SYT1: variants seen among roughly 807,000 people sequenced by gnomAD.
The protein encoded by SYT1 is synaptotagmin-1.
Under a neutral mutation model 44.8 loss-of-function variants are expected in SYT1, and 8 were observed. That is an observed-to-expected ratio of 0.18 (90% CI 0.10 to 0.32). SYT1 has a LOEUF of 0.32. Ranked by LOEUF, SYT1 falls within the 10% of genes least tolerant of loss-of-function variation. The probability of loss-of-function intolerance (pLI) is 1.00; values close to 1 mark genes in which losing one functional copy is unlikely to be tolerated. For synonymous variants in SYT1, 154 were observed against 188.8 expected, an observed-to-expected ratio of 0.82 and a Z score of 1.51; for missense variants, 286 against 509.3, an observed-to-expected ratio of 0.56 and a Z score of 4.22.
intron 3 of SYT1, among the ~76,000 whole-genome samples, chr12:79,062,685 C>T (rs1875478485): frequency 6.6e-6 from 1 of 152,248 alleles, no homozygotes; most frequent in African/African-American, 2.4e-5. Context: ...TTTTTGAACA[C>T]ACGGAATGTG....
intron 3 of SYT1, among the ~76,000 whole-genome samples, chr12:79,195,535 G>C (rs1042828334): frequency 6.8e-6 from 1 of 147,488 alleles, no homozygotes; most frequent in African/African-American, 2.5e-5. Flanking sequence ...AGAGAATACA[G>C]TATGAATGAG....
chr12:78,885,624 A>G (rs1202813235), intron 1 of SYT1, among the ~76,000 whole-genome samples: 1 of 152,042 alleles, frequency 6.6e-6, no homozygotes, highest in Non-Finnish European at 1.5e-5. Flanking sequence ...TGGTGATTTC[A>G]AAGAAAGCAA....
chr12:79,215,332 A>G (rs555458929), intron 3 of SYT1, among the ~76,000 whole-genome samples: 1 of 152,284 alleles, frequency 6.6e-6, no homozygotes, highest in South Asian at 2.1e-4. Flanking sequence ...CAATGGAGCA[A>G]TGGAACAAAT....
chr12:78,965,569 C>G (rs1370486570), intron 1 of SYT1, among the ~76,000 whole-genome samples: 1 of 152,282 alleles, frequency 6.6e-6, no homozygotes, highest in East Asian at 1.9e-4. Flanking sequence ...TCAAATATCA[C>G]TTTAACTAGT....
chr12:78,976,866 G>A (rs920178606), intron 1 of SYT1, among the ~76,000 whole-genome samples: 1 of 152,060 alleles, frequency 6.6e-6, no homozygotes, highest in African/African-American at 2.4e-5. Context: ...AGCTGATAAC[G>A]TGAATTCTGT....
rs1882615525 is a variant in SYT1 at position 79,346,549 on chromosome 12, C to CA, written c.811-6949dup. 3.9e-5 allele frequency among the ~76,000 whole-genome samples: 6 copies of CA among 152,180 alleles called. No homozygotes were observed. The South Asian group carries it at 1.2e-3, about 31-fold the overall frequency. ...CCCCTTCATGAGATAATCACACCAG[C>CA]AAAAGCACTCATGTGTTGGCTGCAA... On this transcript the variant is annotated intron_variant, in intron 8 of 10. Transcript: ENST00000261205.
chr12:79,429,005 C>T (rs1413394454), intron 9 of SYT1, among the ~76,000 whole-genome samples: 1 of 152,016 alleles, frequency 6.6e-6, no homozygotes, highest in Non-Finnish European at 1.5e-5. Context: ...TTTTAAAACT[C>T]AAATTTCTTG....
chr12:78,911,892 T>C (rs992690502), intron 1 of SYT1, among the ~76,000 whole-genome samples: 1 of 152,028 alleles, frequency 6.6e-6, no homozygotes, highest in Non-Finnish European at 1.5e-5. Context: ...ACCTACTTTG[T>C]TAAATTACTA....
chr12:79,442,643 G>A (rs1870492896), intron 9 of SYT1, among the ~76,000 whole-genome samples: 1 of 152,142 alleles, frequency 6.6e-6, no homozygotes, highest in Admixed American at 6.5e-5. Flanking sequence ...GCCAGGCACT[G>A]TTTTAGCAAA....
intron 1 of SYT1, among the ~76,000 whole-genome samples, chr12:78,865,952 T>C (rs1416216378): frequency 6.6e-6 from 1 of 152,144 alleles, no homozygotes; most frequent in East Asian, 1.9e-4. Context: ...AGATTATTAC[T>C]TTCCTGAGGT....
At chr12:79,004,079 A>G (rs1319259702) in intron 2 of SYT1, among the ~76,000 whole-genome samples, 1 of 151,924 alleles carries the variant, frequency 6.6e-6, no homozygotes, top group Non-Finnish European at 1.5e-5. Flanking sequence ...TACTCTATCC[A>G]AGAAAAGGTA....
chr12:79,014,502 C>T (rs1471663935), intron 2 of SYT1, among the ~76,000 whole-genome samples: 1 of 151,964 alleles, frequency 6.6e-6, no homozygotes, highest in Non-Finnish European at 1.5e-5. Flanking sequence ...CAAATCAAAA[C>T]CACAATGAGA....
intron 2 of SYT1, among the ~76,000 whole-genome samples, chr12:79,036,309 G>A (rs1373296488): frequency 6.6e-6 from 1 of 151,818 alleles, no homozygotes; most frequent in Non-Finnish European, 1.5e-5. Context: ...ACCTAAGGAA[G>A]CCATTGTTGG....
chr12:78,885,752 T>A (rs1874715853), intron 1 of SYT1, among the ~76,000 whole-genome samples: 1 of 151,950 alleles, frequency 6.6e-6, no homozygotes, highest in African/African-American at 2.4e-5. Flanking sequence ...TTATTTGGAA[T>A]GAGAGGTGAA....
chr12:79,173,170 T>C (rs1871650012), intron 3 of SYT1, among the ~76,000 whole-genome samples: 1 of 151,878 alleles, frequency 6.6e-6, no homozygotes, highest in African/African-American at 2.4e-5. Context: ...ATCAGGATAG[T>C]AGCTTTTTGC....
At chr12:79,212,292 A>G (rs900999481) in intron 3 of SYT1, among the ~76,000 whole-genome samples, 1 of 152,142 alleles carries the variant, frequency 6.6e-6, no homozygotes, top group South Asian at 2.1e-4. Flanking sequence ...GTTCTCACTC[A>G]TAAGTGGGAG....
At chr12:78,922,638 T>C (rs1877072350) in intron 1 of SYT1, among the ~76,000 whole-genome samples, 1 of 151,866 alleles carries the variant, frequency 6.6e-6, no homozygotes, top group African/African-American at 2.4e-5. Context: ...AAAGAGACCT[T>C]AAAAGGCATC....
intron 4 of SYT1, among the ~76,000 whole-genome samples, chr12:79,256,866 T>A (rs1478621029): frequency 3.9e-5 from 6 of 152,206 alleles, no homozygotes; most frequent in African/African-American, 1.4e-4. Flanking sequence ...TATGAGAATA[T>A]TATATTTTAC....
At chr12:79,052,628 A>G (rs563230891) in intron 3 of SYT1, among the ~76,000 whole-genome samples, 27 of 152,088 alleles carry the variant, frequency 1.8e-4, no homozygotes, top group Non-Finnish European at 3.4e-4. Context: ...GCTAATATCC[A>G]GAATCTACAA....
Sources: allele counts gnomAD v4.1 joint callset (sites outside exome capture counted in the v4.1 genomes callset), GRCh38; gene constraint gnomAD v4.1.1; transcripts MANE v1.5; gene names NCBI Gene and HGNC (gene_info 2026-07-23, HGNC 2026-07-21).